The following ZBTB1 variants were observed in gnomAD, a reference collection of about 807,000 sequenced individuals.
ZBTB1 encodes zinc finger and BTB domain containing 1.
ZBTB1 carries 13 observed loss-of-function variants against 51.6 expected under a neutral mutation model. The ratio of observed to expected loss-of-function variants is 0.25; its 90% CI spans 0.16 to 0.40. The LOEUF is 0.40. Ranked by LOEUF, ZBTB1 falls within the 10% of genes least tolerant of loss-of-function variation. The pLI, the probability that ZBTB1 is intolerant of heterozygous loss-of-function variation, is 1.00. For synonymous variants in ZBTB1, 240 were observed against 282.2 expected, an observed-to-expected ratio of 0.85 and a Z score of 1.50; for missense variants, 567 against 856.5, an observed-to-expected ratio of 0.66 and a Z score of 4.22.
At chr14:64,514,790 C>T (rs763551767) in intron 1 of ZBTB1, among the ~76,000 whole-genome samples, 2 of 152,058 alleles carry the variant, frequency 1.3e-5, no homozygotes, top group Non-Finnish European at 2.9e-5. Context: ...GTGTTCTTTC[C>T]GGAAGACCAT....
chr14:64,503,945 G>C (rs970821332), upstream of ZBTB1: 1 of 152,192 alleles, frequency 6.6e-6, no homozygotes, highest in Non-Finnish European at 1.5e-5. Flanking sequence ...TCTGAGTGCC[G>C]CCGCCACAGT....
intron 1 of ZBTB1, among the ~76,000 whole-genome samples, chr14:64,509,754 G>A (rs942941581): frequency 1.9e-4 from 29 of 151,780 alleles, no homozygotes; most frequent in African/African-American, 6.8e-4. Context: ...GGCGGATCAC[G>A]AGGTCAGGAG....
chr14:64,524,691 G>A lies in ZBTB1; in HGVS notation c.*1045G>A. 1 of 985,000 alleles carries A rather than the reference G, an allele frequency of 1.0e-6. No individual in the cohort carries two copies. The highest frequency in any genetic ancestry group is 1.2e-6 in the Non-Finnish European group (1 of 829,608). 61.0% of individuals were successfully genotyped at this position (985,000 alleles called of 1,614,324 possible). A position where few individuals can be genotyped will look rare whatever the true frequency, so the allele number is the denominator to read the frequency against. ...TAGAGTGCACAAAAAAATGTCTTGT[G>A]TTTTATACTGTCTAAGATTTGGAGG... On this transcript the variant is annotated 3_prime_UTR_variant, in exon 2 of 2. Transcript: ENST00000683701.
At chr14:64,530,032 AC>A (rs2079931669) in intron 2 of ZBTB1, among the ~76,000 whole-genome samples, 2 of 152,348 alleles carry the variant, frequency 1.3e-5, no homozygotes, top group East Asian at 3.9e-4. Context: ...CTGCATAACC[AC>A]CCTAACCTAG....
At chr14:64,511,418 A>C (rs1398676286) in intron 1 of ZBTB1, 1 of 152,210 alleles carries the variant, frequency 6.6e-6, no homozygotes, top group Non-Finnish European at 1.5e-5. Flanking sequence ...ATGCAACTGA[A>C]CTACAGGAAC....
chr14:64,513,319 G>A (rs772736188), intron 1 of ZBTB1, among the ~76,000 whole-genome samples: 3 of 152,066 alleles, frequency 2.0e-5, no homozygotes, highest in Non-Finnish European at 4.4e-5. Context: ...CTGGAATAGA[G>A]CCTGGCATAT....
intron 1 of ZBTB1, among the ~76,000 whole-genome samples, chr14:64,517,313 A>G (rs2079796920): frequency 6.6e-6 from 1 of 152,196 alleles, no homozygotes; most frequent in African/African-American, 2.4e-5. Flanking sequence ...GCAAAGCTAG[A>G]TAAGAAGCCA....
chr14:64,522,405 A>C lies in ZBTB1; in HGVS notation c.901A>C (p.Ser301Arg), dbSNP rs569570323. 7.2e-5 allele frequency: 116 copies of C among 1,614,164 alleles called. 1 individual carries two copies. The South Asian group carries it at 1.3e-3, about 17-fold the overall frequency. Reference protein sequence around the residue: ...AADDSASTTGSRKSSTVESEI... With the variant: ...AADDSASTTGRRKSSTVESEI... ...TGATGATTCAGCTTCAACCACTGGA[A>C]GCAGAAAAAGTAGCACAGTGGAGTC... The change falls in exon 2 of 2, where the codon AGC becomes CGC. Residue 301 changes from serine (S) to arginine (R), a missense_variant. This residue lies in a region of ZBTB1 where 329 missense variants were observed against 406.3 expected (regional missense o/e 0.81). Transcript: ENST00000683701.
At chr14:64,525,377 C>A (rs1270878151), downstream of ZBTB1, among the ~76,000 whole-genome samples, 3 of 152,122 alleles carry the variant, frequency 2.0e-5, no homozygotes, top group African/African-American at 4.8e-5. Flanking sequence ...TACTTAGATA[C>A]AATAGTTTAT....
At chr14:64,511,447 T>C (rs2079723194) in intron 1 of ZBTB1, 1 of 152,174 alleles carries the variant, frequency 6.6e-6, no homozygotes, top group Admixed American at 6.5e-5. Flanking sequence ...TATTTGTAAG[T>C]TATTTGGTTG....
At position 64,522,732 on chromosome 14, in the gene ZBTB1, A is replaced by AT; in HGVS notation, c.1228_1229insT (p.Asn410IlefsTer10). On this transcript the variant is annotated frameshift_variant, in exon 2 of 2. Coordinates refer to ENST00000683701, the MANE Select transcript of ZBTB1 (RefSeq NM_001123329.2). LOFTEE classifies it high-confidence loss of function. Reference sequence around the variant, plus strand: ...TTTAGAGAATATGAGGCCCCCTAACAACAGCAGTCCAGTACAAGAGGATGC... The same window carrying AT: ...TTTAGAGAATATGAGGCCCCCTAACATACAGCAGTCCAGTACAAGAGGATGC... 1 of 1,614,240 alleles carries AT rather than the reference A, an allele frequency of 6.2e-7. No individual in the cohort carries two copies. Among genetic ancestry groups the AT allele is most frequent in the Admixed American group, 1.7e-5 (1 of 60,028 alleles).
downstream of ZBTB1, among the ~76,000 whole-genome samples, chr14:64,529,123 T>C (rs1019361116): frequency 1.2e-4 from 18 of 152,370 alleles, no homozygotes; most frequent in African/African-American, 4.3e-4. Context: ...TTCAGAATGA[T>C]GTTTTAGAAA....
At chr14:64,521,334 T>C (rs1431419785) in intron 1 of ZBTB1, among the ~76,000 whole-genome samples, 153 bp from the exon 2 acceptor site, 2 of 152,270 alleles carry the variant, frequency 1.3e-5, no homozygotes, top group Non-Finnish European at 1.5e-5. Context: ...TAAAAAATGA[T>C]TCAAGTATAT....
downstream of ZBTB1, among the ~76,000 whole-genome samples, chr14:64,525,477 C>G (rs945096216): frequency 6.6e-6 from 1 of 152,128 alleles, no homozygotes; most frequent in African/African-American, 2.4e-5. Context: ...AACCCAGAGA[C>G]CATCAGAGAG....
At chr14:64,515,518 TA>T (rs906460905) in intron 1 of ZBTB1, among the ~76,000 whole-genome samples, 7 of 134,240 alleles carry the variant, frequency 5.2e-5, no homozygotes, top group South Asian at 2.4e-4. Context: ...GAATGCCTCA[TA>T]ATTTTTTTTT....
intron 1 of ZBTB1, among the ~76,000 whole-genome samples, chr14:64,511,933 A>G (rs1596688011): frequency 6.6e-6 from 1 of 152,230 alleles, no homozygotes; most frequent in African/African-American, 2.4e-5. Context: ...AGAGCCCTAG[A>G]CCAGGATTGA....
intron 1 of ZBTB1, among the ~76,000 whole-genome samples, chr14:64,506,053 A>C (rs914073299): frequency 6.6e-6 from 1 of 152,242 alleles, no homozygotes; most frequent in Non-Finnish European, 1.5e-5. Flanking sequence ...TTGTCAGTGC[A>C]GATAGATATG....
intron 1 of ZBTB1, among the ~76,000 whole-genome samples, chr14:64,506,394 G>A (rs939856787): frequency 1.3e-5 from 2 of 152,158 alleles, no homozygotes; most frequent in East Asian, 3.9e-4. Context: ...TTAGCCTGGC[G>A]TGGTGGCGGG....
chr14:64,520,942 GC>G (rs1166609896), intron 1 of ZBTB1, among the ~76,000 whole-genome samples: 1 of 150,714 alleles, frequency 6.6e-6, no homozygotes, highest in Non-Finnish European at 1.5e-5. Context: ...ACTCACTACA[GC>G]CTCTACCTGT....
Sources: gnomAD v4.1 joint callset for allele counts (sites outside exome capture counted in the v4.1 genomes callset) on GRCh38, gnomAD v4.1.1 for gene constraint, gnomAD v4.1.1 regional missense constraint, MANE v1.5 for transcripts, NCBI Gene and HGNC (gene_info 2026-07-23, HGNC 2026-07-21) for gene names.